SHISA9: variants seen among roughly 807,000 people sequenced by gnomAD.
SHISA9 encodes protein shisa-9.
SHISA9 carries 13 observed loss-of-function variants against 38.0 expected under a neutral mutation model. That is an observed-to-expected ratio of 0.34 (90% confidence interval 0.22 to 0.54). SHISA9 has a LOEUF of 0.54. Among genes scored for constraint, SHISA9 ranks in the 20% least tolerant of loss-of-function variants. The pLI is 0.91. For synonymous variants in SHISA9, 275 were observed against 242.0 expected (o/e 1.14, Z -1.27); for missense variants, 538 against 575.8 (o/e 0.93, Z 0.67).
chr16:13,116,938 A>T (rs1178822695), intron 2 of SHISA9, among the ~76,000 whole-genome samples: 1 of 152,174 alleles, frequency 6.6e-6, no homozygotes, highest in African/African-American at 2.4e-5. Context: ...AATACGTCCC[A>T]GTGGTATTTT....
intron 2 of SHISA9, among the ~76,000 whole-genome samples, chr16:13,104,322 A>G (rs909952205): frequency 5.9e-5 from 9 of 152,144 alleles, no homozygotes; most frequent in African/African-American, 7.2e-5. Context: ...TAAACTTACT[A>G]TACGACCCAG....
the SHISA9 span, among the ~76,000 whole-genome samples, chr16:13,498,075 A>G: frequency 6.6e-6 from 1 of 152,174 alleles, no homozygotes; most frequent in African/African-American, 2.4e-5. Flanking sequence ...ACAACAAATT[A>G]AAAAAATCAG....
chr16:13,375,384 A>G, the SHISA9 span, among the ~76,000 whole-genome samples: 1 of 152,176 alleles, frequency 6.6e-6, no homozygotes, highest in East Asian at 1.9e-4. Flanking sequence ...TCAGCTTTCT[A>G]CATATGGCTA....
chr16:13,349,533 C>T, the SHISA9 span, among the ~76,000 whole-genome samples: 3 of 152,206 alleles, frequency 2.0e-5, no homozygotes, highest in Non-Finnish European at 2.9e-5. Context: ...CACTGCTGCA[C>T]TCACTGATCC....
the SHISA9 span, among the ~76,000 whole-genome samples, chr16:13,267,129 G>T: frequency 1.3e-5 from 2 of 152,098 alleles, no homozygotes; most frequent in Non-Finnish European, 2.9e-5. Flanking sequence ...TGTTTAAAAA[G>T]AAGCCAAGTG....
At chr16:13,420,795 C>T in the SHISA9 span, among the ~76,000 whole-genome samples, 3 of 152,194 alleles carry the variant, frequency 2.0e-5, no homozygotes, top group Non-Finnish European at 4.4e-5. Flanking sequence ...GTGCACATTT[C>T]TTCTGCAGTG....
chr16:12,948,182 A>T (rs2071710812), intron 2 of SHISA9, among the ~76,000 whole-genome samples: 1 of 152,210 alleles, frequency 6.6e-6, no homozygotes, highest in South Asian at 2.1e-4. Context: ...CTGAAAATTG[A>T]AGTTTAGAGA....
chr16:13,476,160 A>G, the SHISA9 span, among the ~76,000 whole-genome samples: 4 of 152,034 alleles, frequency 2.6e-5, no homozygotes, highest in African/African-American at 9.7e-5. Flanking sequence ...TGAAGCTTAC[A>G]TTTGTTTTAT....
chr16:13,088,899 G>A lies in SHISA9; in HGVS notation c.692-114495G>A, dbSNP rs571499254. Reference sequence around the variant, plus strand: ...TTCTTGCCTTGTGCCAGTTTTCAAAGGGAATGCTTCCACTTTTTGCCCATT... The same window carrying A: ...TTCTTGCCTTGTGCCAGTTTTCAAAAGGAATGCTTCCACTTTTTGCCCATT... On this transcript the variant is annotated intron_variant, in intron 2 of 4. Transcript: ENST00000558583. Among the ~76,000 whole-genome samples the A allele has an allele frequency of 1.8e-4, 28 of 152,300 alleles. No individual in the cohort carries two copies. The South Asian group carries it at 2.5e-3, about 14-fold the overall frequency.
chr16:13,104,134 C>A (rs2073904496), intron 2 of SHISA9, among the ~76,000 whole-genome samples: 1 of 152,150 alleles, frequency 6.6e-6, no homozygotes, highest in South Asian at 2.1e-4. Context: ...CTAATGCCCT[C>A]ATACGGTTGT....
chr16:13,173,377 T>TACACAC lies in SHISA9; in HGVS notation c.692-29989_692-29984dup, dbSNP rs34832916. Among the ~76,000 whole-genome samples the TACACAC allele has an allele frequency of 5.2e-3, 738 of 142,938 alleles. 6 individuals are homozygous for TACACAC. Among genetic ancestry groups the TACACAC allele is most frequent in the Middle Eastern group, 0.014 (4 of 276 alleles). The allele number at this position is 142,938 out of a possible 152,430, so 93.8% of individuals were successfully genotyped here. A position where few individuals can be genotyped will look rare whatever the true frequency, so the allele number is the denominator to read the frequency against. On this transcript the variant is annotated intron_variant, in intron 2 of 4. Transcript: ENST00000558583. ...TGGAAATGGCATGTATGTGTGCATG[T>TACACAC]ACACACACACACACACACACACACA...
chr16:13,113,165 A>T (rs150945506), intron 2 of SHISA9, among the ~76,000 whole-genome samples: 69 of 141,058 alleles, frequency 4.9e-4, no homozygotes, highest in African/African-American at 1.8e-3. Context: ...AGCCAAGATC[A>T]TCCTGCTGTA....
intron 3 of SHISA9, 92 bp from the exon 4 acceptor site, chr16:13,213,161 G>GGGGCA (rs2051136222): frequency 1.7e-6 from 2 of 1,144,200 alleles, no homozygotes; most frequent in Admixed American, 4.1e-5. Context: ...GGCTGCAGCA[G>GGGGCA]GGGCAGCCAA....
At position 13,053,855 on chromosome 16, in the gene SHISA9, G is replaced by C. The variant is rs28610536; in HGVS notation, c.691+137040G>C. Among the ~76,000 whole-genome samples, 369 of 152,276 alleles carry C rather than the reference G, an allele frequency of 2.4e-3. 2 individuals carry two copies. The highest frequency in any genetic ancestry group is 8.6e-3 in the African/African-American group (357 of 41,568). On this transcript the variant is annotated intron_variant, in intron 2 of 4. Transcript: ENST00000558583. ...ATAACTCTTGGTGAACATGTCACCT[G>C]AACTATTTGGCTCTAAAGATGGTTA...
At chr16:13,104,418 A>G (rs894334158) in intron 2 of SHISA9, among the ~76,000 whole-genome samples, 11 of 152,324 alleles carry the variant, frequency 7.2e-5, no homozygotes, top group Admixed American at 6.5e-4. Context: ...TACAAACATT[A>G]TTTATAATAG....
At chr16:12,979,893 A>G (rs970298247) in intron 2 of SHISA9, among the ~76,000 whole-genome samples, 18 of 152,054 alleles carry the variant, frequency 1.2e-4, no homozygotes, top group African/African-American at 3.9e-4. Flanking sequence ...CTTCTTTACT[A>G]CGACTTCTTT....
the SHISA9 span, among the ~76,000 whole-genome samples, chr16:13,291,207 G>T: frequency 6.6e-6 from 1 of 152,066 alleles, no homozygotes. Context: ...GGCAGACACC[G>T]CAAGACCCTT....
At position 12,916,737 on chromosome 16, in the gene SHISA9, A is replaced by G. The variant is rs2071263685; in HGVS notation, c.613A>G (p.Met205Val). ...RPQGHCNTDH[M>V]ERDLNIVVHV... ...ACAGGGCCACTGCAACACTGATCACATGGAGAGAGACCTAAACATCGTTGT... is the reference window on the plus strand; with the variant it reads ...ACAGGGCCACTGCAACACTGATCACGTGGAGAGAGACCTAAACATCGTTGT... The change falls in exon 2 of 5, where the codon ATG (methionine) becomes GTG (valine). Residue 205 changes from methionine to valine, a missense_variant. Met to Val is a conservative substitution (Grantham distance 21). Transcript: ENST00000558583. 2 of 1,552,028 alleles carry G rather than the reference A, an allele frequency of 1.3e-6. No homozygotes were observed. Among genetic ancestry groups the G allele is most frequent in the Non-Finnish European group, 1.7e-6 (2 of 1,147,096 alleles).
chr16:13,427,390 C>G, the SHISA9 span, among the ~76,000 whole-genome samples: 2 of 152,136 alleles, frequency 1.3e-5, no homozygotes, highest in Non-Finnish European at 2.9e-5. Context: ...CTCTCTGTTA[C>G]AGATGGAAGT....
Sources: gnomAD v4.1 joint callset for allele counts (sites outside exome capture counted in the v4.1 genomes callset) on GRCh38, gnomAD v4.1.1 for gene constraint, MANE v1.5 for transcripts, NCBI Gene and HGNC (gene_info 2026-07-23, HGNC 2026-07-21) for gene names.